The following OSBPL8 variants were observed in gnomAD, a reference collection of about 807,000 sequenced individuals.
OSBPL8 encodes oxysterol-binding protein-related protein 8.
A neutral mutation model predicts 125.5 loss-of-function variants in OSBPL8; 59 were observed. The observed-to-expected ratio is 0.47, with a 90% CI of 0.38 to 0.58. The LOEUF is 0.58. Among genes scored for constraint, OSBPL8 ranks in the 20% least tolerant of loss-of-function variants. OSBPL8 has a pLI of 0.00. For missense variants in OSBPL8, 758 were observed against 1,047.8 expected (o/e 0.72, Z 3.82); for synonymous variants, 330 against 338.9 (o/e 0.97, Z 0.29).
chr12:76,499,155 G>A (rs561088651), intron 1 of OSBPL8, among the ~76,000 whole-genome samples: 3 of 152,162 alleles, frequency 2.0e-5, no homozygotes, highest in Non-Finnish European at 2.9e-5. Context: ...CCCAACCTAC[G>A]TCTTTCTCCA....
In OSBPL8 at chr12:76,487,585, A is replaced by G. The variant is rs769981553; in HGVS notation, c.-34T>C. Reference sequence around the variant, plus strand: ...AAGATAGGTTTATGCTTCTCTTTCCATTAATGTGCAGCCATTCTGTAAATC... The same window carrying G: ...AAGATAGGTTTATGCTTCTCTTTCCGTTAATGTGCAGCCATTCTGTAAATC... On this transcript the variant is annotated 5_prime_UTR_variant, in exon 2 of 24. The change abolishes an upstream ATG in the 5' untranslated region. Transcript: ENST00000261183. 4 of 1,561,586 alleles carry G rather than the reference A, an allele frequency of 2.6e-6. No individual in the cohort carries two copies. Among genetic ancestry groups the G allele is most frequent in the Non-Finnish European group, 2.6e-6 (3 of 1,154,342 alleles).
intron 4 of OSBPL8, among the ~76,000 whole-genome samples, chr12:76,412,633 C>T (rs576387203): frequency 3.9e-5 from 6 of 152,092 alleles, no homozygotes; most frequent in African/African-American, 1.2e-4. Context: ...CAACCAATAC[C>T]TATTTGTGAG....
chr12:76,358,888 T>C, intron 21 of OSBPL8, 77 bp from the exon 22 acceptor site: 2 of 1,067,004 alleles, frequency 1.9e-6, no homozygotes, highest in Non-Finnish European at 2.9e-6. Flanking sequence ...ATTGTCAAAA[T>C]TATCTGCACA....
At chr12:76,398,857 A>T (rs191928864) in intron 7 of OSBPL8, among the ~76,000 whole-genome samples, 1 of 152,308 alleles carries the variant, frequency 6.6e-6, no homozygotes, top group East Asian at 1.9e-4. Flanking sequence ...GTAAGACAAG[A>T]GAGGCGAAAG....
At chr12:76,425,366 G>C (rs1258982241) in intron 4 of OSBPL8, among the ~76,000 whole-genome samples, 1 of 152,108 alleles carries the variant, frequency 6.6e-6, no homozygotes, top group Non-Finnish European at 1.5e-5. Context: ...TATCTCCCAT[G>C]CATCTATAAT....
chr12:76,413,040 G>A (rs1276866700), intron 4 of OSBPL8, among the ~76,000 whole-genome samples: 1 of 151,948 alleles, frequency 6.6e-6, no homozygotes, highest in African/African-American at 2.4e-5. Context: ...TCTAATCTTT[G>A]TATATTCTCT....
intron 4 of OSBPL8, among the ~76,000 whole-genome samples, chr12:76,419,572 G>A (rs554069836): frequency 6.6e-6 from 1 of 152,218 alleles, no homozygotes; most frequent in Admixed American, 6.5e-5. Flanking sequence ...TCTCCAATGG[G>A]GAAAGGCTTG....
At chr12:76,547,584 G>A (rs1042012545) in intron 1 of OSBPL8, among the ~76,000 whole-genome samples, 1 of 152,114 alleles carries the variant, frequency 6.6e-6, no homozygotes, top group Non-Finnish European at 1.5e-5. Flanking sequence ...AAAAGCAATG[G>A]AGGAAAAAAT....
At chr12:76,388,736 T>A (rs1285023474) in intron 12 of OSBPL8, among the ~76,000 whole-genome samples, 1 of 152,198 alleles carries the variant, frequency 6.6e-6, no homozygotes, top group African/African-American at 2.4e-5. Flanking sequence ...GTAAGTTTCC[T>A]TTTCTATAGA....
chr12:76,369,545 A>G (rs1952542345), intron 20 of OSBPL8, 92 bp downstream of exon 20: 1 of 1,418,188 alleles, frequency 7.1e-7, no homozygotes, highest in East Asian at 2.3e-5. Flanking sequence ...GTTTAATTAA[A>G]TAAAAACTAC....
chr12:76,422,298 C>T (rs1358123490), intron 4 of OSBPL8, among the ~76,000 whole-genome samples: 1 of 152,116 alleles, frequency 6.6e-6, no homozygotes, highest in Non-Finnish European at 1.5e-5. Context: ...AAGATTCCTA[C>T]TTTACTGAAT....
chr12:76,446,517 TA>T (rs1872736320), intron 4 of OSBPL8, among the ~76,000 whole-genome samples: 1 of 152,148 alleles, frequency 6.6e-6, no homozygotes, highest in East Asian at 1.9e-4. Context: ...CAAATAAAGA[TA>T]TGACTAACAC....
At position 76,373,376 on chromosome 12, in the gene OSBPL8, T is replaced by C. The variant is rs1313794604; in HGVS notation, c.1885A>G (p.Lys629Glu). The change falls in exon 18 of 24, where the codon AAA becomes GAA. Residue 629 changes from lysine (K) to glutamate (E), a missense_variant. Physicochemically the swap from Lys to Glu is moderately conservative, Grantham distance 56. Coordinates refer to ENST00000261183, the MANE Select transcript of OSBPL8 (RefSeq NM_020841.5). Reference protein sequence around the residue: ...NQISGKLKLGKEVLATLEGHW... With the variant: ...NQISGKLKLGEEVLATLEGHW... Reference sequence around the variant, plus strand: ...CCTTCCAAAGTAGCTAGGACTTCTTTTCCCAGTTTAAGTTTCCCTGATATT... The same window carrying C: ...CCTTCCAAAGTAGCTAGGACTTCTTCTCCCAGTTTAAGTTTCCCTGATATT... 1 of 1,609,156 alleles carries C rather than the reference T, an allele frequency of 6.2e-7. No individual in the cohort carries two copies. Among genetic ancestry groups the C allele is most frequent in the African/African-American group, 1.3e-5 (1 of 74,766 alleles).
At chr12:76,470,453 T>A (rs765856319) in intron 2 of OSBPL8, among the ~76,000 whole-genome samples, 1 of 152,230 alleles carries the variant, frequency 6.6e-6, no homozygotes, top group East Asian at 1.9e-4. Context: ...AACATTTCAG[T>A]GTCTGATGCT....
chr12:76,503,639 C>T (rs1019182139), intron 1 of OSBPL8, among the ~76,000 whole-genome samples: 7 of 152,066 alleles, frequency 4.6e-5, no homozygotes, highest in South Asian at 2.1e-4. Flanking sequence ...CCTGGGTTCA[C>T]GCCATCCTCC....
Position 76,369,238 on chromosome 12 carries a change from G to A in OSBPL8, c.2304C>T (p.Thr768=), listed in dbSNP as rs765337385. The A allele has an allele frequency of 6.2e-7, 1 of 1,610,134 alleles. No homozygotes were observed. The highest frequency in any genetic ancestry group is 2.2e-5 in the East Asian group (1 of 44,692). ...CCATTGGAGTACGATGTTTCACTTT[G>A]GTCTGAATAACACCATCTTTTTCAA... ...IQFEKDGVIQ[T]KVKHRTPMVS... is the part of the protein sequence containing the mutation. Residue 768 remains threonine (T), a synonymous_variant, in exon 21 of 24, where the codon ACC becomes ACT. Transcript: ENST00000261183.
At chr12:76,464,141 G>A (rs183448947) in intron 2 of OSBPL8, among the ~76,000 whole-genome samples, 5 of 152,264 alleles carry the variant, frequency 3.3e-5, no homozygotes, top group African/African-American at 4.8e-5. Flanking sequence ...CATCATGGGC[G>A]CCTTGTAGCC....
At chr12:76,543,197 T>G (rs1290678961) in intron 1 of OSBPL8, among the ~76,000 whole-genome samples, 1 of 152,124 alleles carries the variant, frequency 6.6e-6, no homozygotes, top group South Asian at 2.1e-4. Context: ...GCCGCTTACA[T>G]AGTAACTTGC....
At chr12:76,479,327 C>G (rs1420529087) in intron 2 of OSBPL8, among the ~76,000 whole-genome samples, 2 of 152,086 alleles carry the variant, frequency 1.3e-5, no homozygotes, top group Admixed American at 6.5e-5. Context: ...ATAAATATAT[C>G]CACCCACTAC....
Sources: gnomAD v4.1 joint callset for allele counts (sites outside exome capture counted in the v4.1 genomes callset) on GRCh38, gnomAD v4.1.1 for gene constraint, MANE v1.5 for transcripts, NCBI Gene and HGNC (gene_info 2026-07-23, HGNC 2026-07-21) for gene names.